The following TEX36 variants were observed in gnomAD, a reference collection of about 807,000 sequenced individuals.
TEX36 encodes the protein testis-expressed protein 36.
In TEX36, 12 loss-of-function variants were observed where a neutral mutation model predicts 13.6. That is an observed-to-expected ratio of 0.88 (90% CI 0.56 to 1.43). The LOEUF (loss-of-function observed/expected upper bound fraction) is 1.43, where lower values mean the gene tolerates loss of function less well. TEX36 is among the 40% of genes most tolerant of loss of function. The pLI, the probability that TEX36 is intolerant of heterozygous loss-of-function variation, is 0.00. For missense variants in TEX36, 224 were observed against 228.3 expected, an observed-to-expected ratio of 0.98 and a Z score of 0.12; for synonymous variants, 93 against 83.0, an observed-to-expected ratio of 1.12 and a Z score of -0.65.
rs1469601035 is a variant in TEX36, at chr10:125,683,147, G to A, written c.-158C>T. 2 of 841,716 alleles carry A rather than the reference G, an allele frequency of 2.4e-6. No homozygotes were observed. The highest frequency in any genetic ancestry group is 3.4e-5 in the African/African-American group (2 of 59,098). 52.1% of individuals were successfully genotyped at this position (841,716 alleles called of 1,614,324 possible). On this transcript the variant is annotated 5_prime_UTR_variant, in exon 1 of 4. Transcript: ENST00000368821. ...ATCTTTACTTCTCAGCCTCTTCCAG[G>A]AGGGGAAGGTGCGGGTGCCCATTGT... is the stretch of plus-strand genomic sequence containing the variant.
chr10:125,657,893 T>C (rs982984965), intron 3 of TEX36, among the ~76,000 whole-genome samples: 2 of 152,204 alleles, frequency 1.3e-5, no homozygotes, highest in African/African-American at 4.8e-5. Context: ...TACAGTAATA[T>C]AGTGTTAATA....
intron 1 of TEX36, among the ~76,000 whole-genome samples, chr10:125,680,251 G>A (rs548102349): frequency 2.0e-5 from 3 of 152,246 alleles, no homozygotes; most frequent in East Asian, 1.9e-4. Flanking sequence ...ATCAGGCTGG[G>A]GGTTGGGGGA....
downstream of TEX36, among the ~76,000 whole-genome samples, chr10:125,654,831 G>C (rs1288138056): frequency 6.6e-6 from 1 of 152,128 alleles, no homozygotes; most frequent in Admixed American, 6.5e-5. Flanking sequence ...AGTTCAATTG[G>C]TCCAGTCTTT....
chr10:125,627,179 T>A (rs1002310841), intron 3 of TEX36, among the ~76,000 whole-genome samples: 1 of 152,258 alleles, frequency 6.6e-6, no homozygotes, highest in African/African-American at 2.4e-5. Context: ...ATGTTTTCAC[T>A]AATCTGATTT....
chr10:125,665,777 C>T lies in TEX36; in HGVS notation c.52-3800G>A, dbSNP rs1444431690. On this transcript the variant is annotated intron_variant, in intron 1 of 3. Transcript: ENST00000368821. ...GTATTTTGATAGAGGTTGCATTGAA[C>T]CTGTAGATTGCTTTAAGCAATATGG... is the stretch of plus-strand genomic sequence containing the variant. Among the ~76,000 whole-genome samples the T allele has an allele frequency of 2.6e-5, 4 of 152,186 alleles. No homozygotes were observed. The East Asian group carries it at 7.7e-4, about 29-fold the overall frequency.
At chr10:125,678,428 T>C (rs1307357079) in intron 1 of TEX36, among the ~76,000 whole-genome samples, 3 of 152,060 alleles carry the variant, frequency 2.0e-5, no homozygotes, top group Admixed American at 6.6e-5. Flanking sequence ...TGGCTGAGCA[T>C]GTCTATCTTT....
chr10:125,618,942 T>TAAAAAAAAAAAAAA (rs11452140), downstream of TEX36, among the ~76,000 whole-genome samples: 16 of 43,582 alleles, frequency 3.7e-4, no homozygotes, highest in African/African-American at 1.5e-3. Context: ...CCGTCTCTAC[T>TAAAAAAAAAAAAAA]AAAAAAAAAA....
At chr10:125,677,053 GCTGAGAA>G (rs1847324149) in intron 1 of TEX36, among the ~76,000 whole-genome samples, 1 of 152,272 alleles carries the variant, frequency 6.6e-6, no homozygotes, top group African/African-American at 2.4e-5. Flanking sequence ...TAAGGTTTCT[GCTGAGAA>G]ACCTATTGTT....
intron 3 of TEX36, among the ~76,000 whole-genome samples, chr10:125,636,809 G>T (rs9422904): frequency 0.044 from 6,716 of 152,144 alleles, 229 homozygotes; most frequent in South Asian, 0.17. Flanking sequence ...CGTCCTTTTC[G>T]ATGTTAAGTG....
At chr10:125,636,387 T>TTA (rs1565180206) in intron 3 of TEX36, among the ~76,000 whole-genome samples, 3 of 150,094 alleles carry the variant, frequency 2.0e-5, no homozygotes, top group African/African-American at 7.4e-5. Context: ...TTTTTTTTTA[T>TTA]ATATTTTTAG....
intron 3 of TEX36, among the ~76,000 whole-genome samples, chr10:125,627,763 C>T (rs914731676): frequency 1.3e-5 from 2 of 152,200 alleles, no homozygotes; most frequent in Admixed American, 6.5e-5. Flanking sequence ...TCCAGGTCTG[C>T]GTGAGTCCTT....
intron 3 of TEX36, among the ~76,000 whole-genome samples, chr10:125,579,147 G>C (rs867821064): frequency 6.6e-6 from 1 of 152,234 alleles, no homozygotes; most frequent in Non-Finnish European, 1.5e-5. Flanking sequence ...TTCTTGGAAA[G>C]AAGCTTGCCG....
chr10:125,622,871 G>A (rs984873432), intron 3 of TEX36, among the ~76,000 whole-genome samples: 9 of 152,182 alleles, frequency 5.9e-5, no homozygotes, highest in African/African-American at 2.2e-4. Context: ...GTGGCCAGGT[G>A]GCAGTGTTAA....
At chr10:125,666,612 G>A (rs1847125995) in intron 1 of TEX36, among the ~76,000 whole-genome samples, 1 of 152,122 alleles carries the variant, frequency 6.6e-6, no homozygotes, top group Non-Finnish European at 1.5e-5. Flanking sequence ...GTATTTTGTT[G>A]AGAAATTTTG....
downstream of TEX36, among the ~76,000 whole-genome samples, chr10:125,655,498 A>C (rs553404092): frequency 5.6e-4 from 86 of 152,316 alleles, no homozygotes; most frequent in African/African-American, 1.9e-3. Flanking sequence ...GTAATGTTGA[A>C]AAGTTTATGT....
At chr10:125,583,992 G>A (rs555489725) in intron 3 of TEX36, among the ~76,000 whole-genome samples, 1 of 152,192 alleles carries the variant, frequency 6.6e-6, no homozygotes, top group African/African-American at 2.4e-5. Context: ...AGGTTGTGGA[G>A]GGAGTGACAC....
chr10:125,596,982 G>A (rs1206380462), intron 3 of TEX36, among the ~76,000 whole-genome samples: 1 of 152,178 alleles, frequency 6.6e-6, no homozygotes, highest in African/African-American at 2.4e-5. Context: ...AAGCCATTAT[G>A]GGATGACATG....
chr10:125,591,504 T>A (rs1846020698), intron 3 of TEX36, among the ~76,000 whole-genome samples: 1 of 152,190 alleles, frequency 6.6e-6, no homozygotes. Flanking sequence ...CCACACACTA[T>A]CCTCCTGGAG....
At chr10:125,652,105 C>T (rs576648599), downstream of TEX36, among the ~76,000 whole-genome samples, 31 of 152,302 alleles carry the variant, frequency 2.0e-4, no homozygotes, top group South Asian at 8.3e-4. Flanking sequence ...CCCCATCAAG[C>T]TACCAATGAC....
Sources: allele counts gnomAD v4.1 joint callset (sites outside exome capture counted in the v4.1 genomes callset), GRCh38; gene constraint gnomAD v4.1.1; transcripts MANE v1.5; gene names NCBI Gene and HGNC (gene_info 2026-07-23, HGNC 2026-07-21).